The following WNT3 variants were observed in gnomAD, a reference collection of about 807,000 sequenced individuals.
WNT3 encodes proto-oncogene Wnt-3.
Under a neutral mutation model 34.2 loss-of-function variants are expected in WNT3, and 7 were observed. The ratio of observed to expected loss-of-function variants is 0.20; its 90% confidence interval spans 0.12 to 0.38. WNT3 has a LOEUF of 0.38. Among genes scored for constraint, WNT3 ranks in the 10% least tolerant of loss-of-function variants. The pLI is 1.00. For synonymous variants in WNT3, 212 were observed against 211.5 expected, an observed-to-expected ratio of 1.00 and a Z score of -0.02; for missense variants, 267 against 499.8, an observed-to-expected ratio of 0.53 and a Z score of 4.44.
chr17:46,804,773 A>C (rs1236237937), intron 1 of WNT3, among the ~76,000 whole-genome samples: 7 of 152,200 alleles, frequency 4.6e-5, no homozygotes, highest in Non-Finnish European at 7.3e-5. Flanking sequence ...AAAATGCACC[A>C]ATCAGTGCTC....
chr17:46,779,229 T>A (rs1423170278), intron 1 of WNT3, among the ~76,000 whole-genome samples: 1 of 152,152 alleles, frequency 6.6e-6, no homozygotes, highest in Non-Finnish European at 1.5e-5. Flanking sequence ...CCTCCCGGCA[T>A]CCGGAGCTTC....
At chr17:46,791,343 A>G (rs1187738614) in intron 1 of WNT3, among the ~76,000 whole-genome samples, 3 of 152,066 alleles carry the variant, frequency 2.0e-5, no homozygotes, top group Non-Finnish European at 4.4e-5. Context: ...AACTGGGATT[A>G]CAGACGAGGA....
At chr17:46,814,663 C>T (rs999876952) in intron 1 of WNT3, among the ~76,000 whole-genome samples, 1 of 152,228 alleles carries the variant, frequency 6.6e-6, no homozygotes, top group African/African-American at 2.4e-5. Context: ...CCAGCCCCAG[C>T]GAGCTGTAAT....
At chr17:46,808,625 GA>G (rs1177012188) in intron 1 of WNT3, among the ~76,000 whole-genome samples, 1 of 152,170 alleles carries the variant, frequency 6.6e-6, no homozygotes, top group Non-Finnish European at 1.5e-5. Flanking sequence ...TCTGCATGGG[GA>G]TCAGCACATA....
chr17:46,762,557 G>A lies in WNT3; in HGVS notation c.*2073C>T, dbSNP rs1034547302. The A allele has an allele frequency of 6.6e-6, 1 of 150,738 alleles. No homozygotes were observed. The highest frequency in any genetic ancestry group is 1.9e-4 in the East Asian group (1 of 5,168). 9.3% of individuals were successfully genotyped at this position (150,738 alleles called of 1,614,324 possible). A position where few individuals can be genotyped will look rare whatever the true frequency, so the allele number is the denominator to read the frequency against. On this transcript the variant is annotated 3_prime_UTR_variant, in exon 5 of 5. Transcript: ENST00000225512. ...ATGACTTAACAGAAAAAAACTGCAT[G>A]ATGAAATATATTTTCTCCAAATATA...
chr17:46,765,955 A>G (rs1236862368), intron 4 of WNT3, among the ~76,000 whole-genome samples: 4 of 152,248 alleles, frequency 2.6e-5, no homozygotes. Context: ...CACTGGTCAC[A>G]GAGTGAGGCC....
intron 4 of WNT3, among the ~76,000 whole-genome samples, chr17:46,765,906 G>A (rs2059308522): frequency 6.6e-6 from 1 of 152,258 alleles, no homozygotes; most frequent in South Asian, 2.1e-4. Flanking sequence ...TGGCCTGGGA[G>A]TGTTTATCAG....
In WNT3 at chr17:46,773,921, C is replaced by CA. The variant is rs1314130458; in HGVS notation, c.81-13dup. 1.2e-6 allele frequency: 2 copies of CA among 1,610,238 alleles called. No homozygotes were observed. The highest frequency in any genetic ancestry group is 1.1e-5 in the South Asian group (1 of 90,826). On this transcript the variant is annotated splice_polypyrimidine_tract_variant and intron_variant, in intron 1 of 4. Coordinates refer to ENST00000225512, the MANE Select transcript of WNT3 (RefSeq NM_030753.5). ...CCAGGGCCAGGGACCTGCAGGCAGA[C>CA]AGAGGGTAGTAACACTGTGGGCACA...
Position 46,768,329 on chromosome 17 carries a change from G to A in WNT3, c.1059C>T (p.Thr353=), listed in dbSNP as rs377485216. 6.2e-7 allele frequency: 1 copy of A among 1,613,666 alleles called. No individual in the cohort carries two copies. Among genetic ancestry groups the A allele is most frequent in the Non-Finnish European group, 8.5e-7 (1 of 1,180,040 alleles). The stretch of plus-strand genomic sequence containing the variant: ...AGCCCTACCTGGTGCCCTACTTGCA[G>A]GTGTGCACGTCGTAGATGCGAATAC... The part of the protein sequence containing the change: ...QECIRIYDVH[T]CK Residue 353 remains threonine, a synonymous_variant, in exon 4 of 5, where the codon ACC becomes ACT. Coordinates refer to ENST00000225512, the MANE Select transcript of WNT3 (RefSeq NM_030753.5). This position sits in a 1 kb window ranked among gnomAD's most constrained non-coding sequence, Gnocchi z 5.0.
intron 1 of WNT3, among the ~76,000 whole-genome samples, chr17:46,802,360 G>C (rs1261768533): frequency 6.6e-6 from 1 of 152,174 alleles, no homozygotes; most frequent in East Asian, 1.9e-4. Context: ...CCGCCTCCTG[G>C]GTTCAAGCGA....
At chr17:46,788,833 C>T (rs2083941920) in intron 1 of WNT3, among the ~76,000 whole-genome samples, 2 of 152,206 alleles carry the variant, frequency 1.3e-5, no homozygotes, top group African/African-American at 4.8e-5. Flanking sequence ...CTCCCAGATC[C>T]CACAGGCTGT....
chr17:46,808,070 G>A (rs2084220453), intron 1 of WNT3, among the ~76,000 whole-genome samples: 2 of 152,202 alleles, frequency 1.3e-5, no homozygotes, highest in Non-Finnish European at 2.9e-5. Context: ...GCAGCAAAAA[G>A]GACTAAGTAG....
At chr17:46,814,318 GTAT>G (rs1368034999) in intron 1 of WNT3, among the ~76,000 whole-genome samples, 6 of 152,218 alleles carry the variant, frequency 3.9e-5, no homozygotes, top group South Asian at 2.1e-4. Flanking sequence ...CAGGCTCTTG[GTAT>G]TATTATAACG....
chr17:46,809,050 G>A (rs920384220), intron 1 of WNT3, among the ~76,000 whole-genome samples: 2 of 152,214 alleles, frequency 1.3e-5, no homozygotes, highest in African/African-American at 4.8e-5. Flanking sequence ...GTCAGAGAGA[G>A]GAGGTGGAAG....
rs925456415 is a variant in WNT3, at chr17:46,763,838, A to AC, written c.*791_*792insG. 6.9e-6 allele frequency: 1 copy of AC among 144,312 alleles called. No homozygotes were observed. Among genetic ancestry groups the AC allele is most frequent in the South Asian group, 2.2e-4 (1 of 4,582 alleles). The allele number at this position is 144,312 out of a possible 1,614,324, so 8.9% of individuals were successfully genotyped here. A position where few individuals can be genotyped will look rare whatever the true frequency, so the allele number is the denominator to read the frequency against. On this transcript the variant is annotated 3_prime_UTR_variant, in exon 5 of 5. Coordinates refer to ENST00000225512, the MANE Select transcript of WNT3 (RefSeq NM_030753.5). ...TACAAGGTCCACTACCACCAAAAAA[A>AC]AAAAAAAACAAAAAAACAAAAAAAA...
chr17:46,780,355 A>G (rs547231403), intron 1 of WNT3, among the ~76,000 whole-genome samples: 4 of 152,320 alleles, frequency 2.6e-5, no homozygotes, highest in South Asian at 2.1e-4. Context: ...TGGCCTCCCA[A>G]ATGGAATCAC....
chr17:46,780,319 G>T (rs959026390), intron 1 of WNT3, among the ~76,000 whole-genome samples: 3 of 152,134 alleles, frequency 2.0e-5, no homozygotes. Context: ...GATCCATTAG[G>T]GTAGGCAGTC....
chr17:46,770,382 C>T (rs909152212), intron 2 of WNT3, among the ~76,000 whole-genome samples: 1 of 152,228 alleles, frequency 6.6e-6, no homozygotes, highest in Non-Finnish European at 1.5e-5. Context: ...CCACTTCTGT[C>T]CTGGTCCCAC....
intron 2 of WNT3, among the ~76,000 whole-genome samples, chr17:46,771,517 G>A: frequency 6.7e-6 from 1 of 149,106 alleles, no homozygotes; most frequent in East Asian, 2.0e-4. Flanking sequence ...GCGGGGCGGG[G>A]ATTAGCCTGG....
Sources: allele counts gnomAD v4.1 joint callset (sites outside exome capture counted in the v4.1 genomes callset), GRCh38; gene constraint gnomAD v4.1.1; non-coding constraint Gnocchi (gnomAD v3.1); transcripts MANE v1.5; gene names NCBI Gene and HGNC (gene_info 2026-07-23, HGNC 2026-07-21).